SEC31B: variants seen among roughly 807,000 people sequenced by gnomAD.
SEC31B encodes the protein SEC31 homolog B, COPII component, also known as protein transport protein Sec31B.
In SEC31B, 113 loss-of-function variants were observed where a neutral mutation model predicts 135.0. The ratio of observed to expected loss-of-function variants is 0.84; its 90% CI spans 0.72 to 0.98. The LOEUF is 0.98. SEC31B is among the 50% of genes least tolerant of loss of function. SEC31B has a pLI of 0.00. For synonymous variants in SEC31B, 508 were observed against 549.4 expected (o/e 0.92, Z 1.05); for missense variants, 1,296 against 1,421.1 (o/e 0.91, Z 1.42).
chr10:100,489,878 C>A (rs778431089), intron 21 of SEC31B, 117 bp from the exon 22 acceptor site: 4 of 1,553,886 alleles, frequency 2.6e-6, no homozygotes, highest in Admixed American at 2.0e-5. Context: ...CTCTGCAGAC[C>A]ATCTACACTC....
At chr10:100,512,506 T>C (rs1447408683) in intron 3 of SEC31B, among the ~76,000 whole-genome samples, 1 of 152,226 alleles carries the variant, frequency 6.6e-6, no homozygotes, top group Non-Finnish European at 1.5e-5. Flanking sequence ...TTCAGTCTAT[T>C]TATAGCTTGA....
At position 100,498,097 on chromosome 10, in the gene SEC31B, C is replaced by G. The variant is rs750799003; in HGVS notation, c.1795G>C (p.Gly599Arg). ...FADAIILAQAGGTDLLKQTQE... is the reference protein window; with the variant it reads ...FADAIILAQARGTDLLKQTQE... ...GTTTGCTTCAGCAGATCTGTACCCC[C>G]AGCCTGGGCCAGGATAATGGCATCA... Residue 599 changes from glycine (G) to arginine (R), a missense_variant, in exon 15 of 26, where the codon GGG (glycine) becomes CGG (arginine). Physicochemically the swap from Gly to Arg is moderately radical, Grantham distance 125. Coordinates refer to ENST00000370345, the MANE Select transcript of SEC31B (RefSeq NM_015490.4). 7 of 1,614,088 alleles carry G rather than the reference C, an allele frequency of 4.3e-6. No homozygotes were observed. In the Admixed American group the frequency reaches 5.0e-5, roughly 12 times the overall value.
Position 100,489,255 on chromosome 10 carries a change from C to A in SEC31B, c.3168G>T (p.Leu1056=). The A allele has an allele frequency of 6.2e-7, 1 of 1,606,282 alleles. No homozygotes were observed. Among genetic ancestry groups the A allele is most frequent in the African/African-American group, 1.3e-5 (1 of 74,574 alleles). ...APPGVPGELS[L]QLQHLPPEKM... ...GGGAATACATTGTCCTTGTCACCTG[C>A]AGGCTGAGTTCTCCTGGAACTCCTG... Residue 1056 remains leucine, a synonymous_variant, in exon 23 of 26, where the codon CTG becomes CTT. Transcript: ENST00000370345.
At chr10:100,499,290 T>C (rs769198939) in intron 12 of SEC31B, 32 bp from the exon 13 acceptor site, 6 of 1,531,460 alleles carry the variant, frequency 3.9e-6, no homozygotes, top group Non-Finnish European at 4.5e-6. Context: ...AACCGCTCTT[T>C]CAAGCGTAAG....
At chr10:100,498,307 C>T (rs1851452861) in intron 14 of SEC31B, 100 bp from the exon 15 acceptor site, 10 of 1,142,376 alleles carry the variant, frequency 8.8e-6, no homozygotes, top group Non-Finnish European at 1.2e-5. Context: ...CTATATCACT[C>T]AGTGTGCTTG....
chr10:100,502,450 C>G lies in SEC31B; in HGVS notation c.1214G>C (p.Ser405Thr). The change falls in exon 11 of 26, where the codon AGC becomes ACC. Residue 405 changes from serine (S) to threonine (T), a missense_variant. By Grantham distance (58) the Ser-to-Thr change is moderately conservative. Transcript: ENST00000370345. Reference sequence around the variant, plus strand: ...CTGTGGCACCAGATGGGCAGGGGTGCTGGGGAGGCCAAAAGTAACCAGCTT... The same window carrying G: ...CTGTGGCACCAGATGGGCAGGGGTGGTGGGGAGGCCAAAAGTAACCAGCTT... ...GGKLVTFGLP[S>T]TPAHLVPQPC... 6.2e-7 allele frequency: 1 copy of G among 1,613,768 alleles called. No homozygotes were observed. Among genetic ancestry groups the G allele is most frequent in the South Asian group, 1.1e-5 (1 of 91,066 alleles).
chr10:100,507,544 C>G lies in SEC31B; in HGVS notation c.663G>C (p.Trp221Cys), dbSNP rs1851656171. The change falls in exon 7 of 26, where the codon TGG becomes TGC. Residue 221 changes from tryptophan to cysteine, a missense_variant. Physicochemically the swap from Trp to Cys is radical, Grantham distance 215. Transcript: ENST00000370345. ...CTAACTGGGTGGCTATGTCAGGATGCCAGGCCAGGCCTGAGCAGTGCATCT... is the reference window on the plus strand; with the variant it reads ...CTAACTGGGTGGCTATGTCAGGATGGCAGGCCAGGCCTGAGCAGTGCATCT... ...SNRMHCSGLA[W>C]HPDIATQLVL... The G allele has an allele frequency of 6.2e-7, 1 of 1,614,064 alleles. No individual in the cohort carries two copies. Among genetic ancestry groups the G allele is most frequent in the South Asian group, 1.1e-5 (1 of 91,084 alleles).
Position 100,490,409 on chromosome 10 carries a change from T to TA in SEC31B, c.2651-88dup, listed in dbSNP as rs549988730. 3.5e-4 allele frequency: 454 copies of TA among 1,307,594 alleles called. 2 individuals carry two copies. In the African/African-American group the frequency reaches 6.3e-3, roughly 18 times the overall value. The allele number at this position is 1,307,594 out of a possible 1,614,324, so 81.0% of individuals were successfully genotyped here. Reference sequence around the variant, plus strand: ...ATATCAGGGAGAAACAGGATTGCAATAAAAAAATAATAAATGATTAATACA... The same window carrying TA: ...ATATCAGGGAGAAACAGGATTGCAATAAAAAAAATAATAAATGATTAATACA... On this transcript the variant is annotated intron_variant, in intron 20 of 25. Coordinates refer to ENST00000370345, the MANE Select transcript of SEC31B (RefSeq NM_015490.4).
rs1851613349 is a variant in SEC31B at position 100,505,512 on chromosome 10, C to A, written c.1045-17G>T. The A allele has an allele frequency of 2.0e-6, 3 of 1,510,078 alleles. No homozygotes were observed. The highest frequency in any genetic ancestry group is 2.6e-6 in the Non-Finnish European group (3 of 1,135,984). The allele number at this position is 1,510,078 out of a possible 1,614,324, so 93.5% of individuals were successfully genotyped here. A position where few individuals can be genotyped will look rare whatever the true frequency, so the allele number is the denominator to read the frequency against. On this transcript the variant is annotated splice_polypyrimidine_tract_variant and intron_variant, in intron 9 of 25. Transcript: ENST00000370345. ...AGAGGAGATCTGGGGGGAAAAGACA[C>A]CTGCATCGCCATCCTAAAGTGGCAG... is the stretch of plus-strand genomic sequence containing the variant.
Position 100,506,214 on chromosome 10 carries a change from A to G in SEC31B, c.883-13T>C. The G allele has an allele frequency of 1.2e-6, 2 of 1,614,200 alleles. No individual in the cohort carries two copies. Among genetic ancestry groups the G allele is most frequent in the Non-Finnish European group, 8.5e-7 (1 of 1,180,030 alleles). ...GCTTATATACCACCTAATATGAGGG[A>G]ACACACCATTAGGGACAGTCCATGA... On this transcript the variant is annotated splice_polypyrimidine_tract_variant and intron_variant, in intron 8 of 25. Transcript: ENST00000370345.
intron 20 of SEC31B, 31 bp from the exon 21 acceptor site, chr10:100,490,353 A>T: frequency 1.3e-6 from 2 of 1,588,842 alleles, no homozygotes; most frequent in Non-Finnish European, 1.7e-6. Context: ...GTCATTTGTC[A>T]CTAAACTTCA....
chr10:100,508,194 G>A (rs749035822), intron 5 of SEC31B, 143 bp from the exon 6 acceptor site: 288 of 987,132 alleles, frequency 2.9e-4, no homozygotes, highest in Non-Finnish European at 4.1e-4. Flanking sequence ...TTGCGAAGCT[G>A]GGAGTTGAAT....
chr10:100,504,353 C>T (rs1472450496), intron 10 of SEC31B, among the ~76,000 whole-genome samples: 1 of 152,106 alleles, frequency 6.6e-6, no homozygotes, highest in Non-Finnish European at 1.5e-5. Context: ...CAATTCAAAC[C>T]TAATATTTAA....
chr10:100,490,368 A>G, intron 20 of SEC31B, 46 bp from the exon 21 acceptor site: 3 of 1,571,612 alleles, frequency 1.9e-6, no homozygotes, highest in Non-Finnish European at 2.6e-6. Flanking sequence ...ACTTCATTTC[A>G]GGAGCAACTC....
intron 23 of SEC31B, 126 bp from the exon 24 acceptor site, chr10:100,489,100 G>A: frequency 3.4e-6 from 5 of 1,462,072 alleles, no homozygotes; most frequent in Non-Finnish European, 4.6e-6. Flanking sequence ...GGGGAGATGA[G>A]CAGCCTCCCT....
At position 100,509,074 on chromosome 10, in the gene SEC31B, T is replaced by C. The variant is rs1345000003; in HGVS notation, c.428A>G (p.Asp143Gly). 2 of 1,614,100 alleles carry C rather than the reference T, an allele frequency of 1.2e-6. No homozygotes were observed. Among genetic ancestry groups the C allele is most frequent in the African/African-American group, 1.3e-5 (1 of 75,018 alleles). Reference protein sequence around the residue: ...QGNLLASGASDSEIFIWDLNN... With the variant: ...QGNLLASGASGSEIFIWDLNN... Reference sequence around the variant, plus strand: ...CAGATCCCAAATGAAGATTTCAGAATCGCTGGCCCCTGAAGCCAGGAGGTT... The same window carrying C: ...CAGATCCCAAATGAAGATTTCAGAACCGCTGGCCCCTGAAGCCAGGAGGTT... Residue 143 changes from aspartate to glycine, a missense_variant, in exon 5 of 26, where the codon GAT (aspartate) becomes GGT (glycine). Asp to Gly is a moderately conservative substitution (Grantham distance 94). Coordinates refer to ENST00000370345, the MANE Select transcript of SEC31B (RefSeq NM_015490.4).
chr10:100,490,436 G>T, intron 20 of SEC31B, 114 bp from the exon 21 acceptor site: 2 of 1,113,640 alleles, frequency 1.8e-6, no homozygotes, highest in Non-Finnish European at 2.5e-6. Context: ...ATTAATACAT[G>T]TATATGGAAA....
chr10:100,497,826 G>C, intron 15 of SEC31B, 33 bp from the exon 16 acceptor site: 2 of 1,614,134 alleles, frequency 1.2e-6, no homozygotes, highest in Non-Finnish European at 1.7e-6. Flanking sequence ...GAGACCATCA[G>C]CCATCCATCC....
At position 100,487,475 on chromosome 10, in the gene SEC31B, C is replaced by A; in HGVS notation, c.*141G>T. 2.5e-6 allele frequency: 2 copies of A among 806,350 alleles called. No homozygotes were observed. The highest frequency in any genetic ancestry group is 3.9e-6 in the Non-Finnish European group (2 of 517,554). 49.9% of individuals were successfully genotyped at this position (806,350 alleles called of 1,614,324 possible). A position where few individuals can be genotyped will look rare whatever the true frequency, so the allele number is the denominator to read the frequency against. ...AAGCAGGCACTCAGCTGGTTTGGAG[C>A]CAAGCCTACAGCATCACATACCTGG... is the stretch of plus-strand genomic sequence containing the variant. On this transcript the variant is annotated 3_prime_UTR_variant, in exon 26 of 26. Coordinates refer to ENST00000370345, the MANE Select transcript of SEC31B (RefSeq NM_015490.4).
Sources: allele counts gnomAD v4.1 joint callset (sites outside exome capture counted in the v4.1 genomes callset), GRCh38; gene constraint gnomAD v4.1.1; transcripts MANE v1.5; gene names NCBI Gene and HGNC (gene_info 2026-07-23, HGNC 2026-07-21).